RIMS2: variants seen among roughly 807,000 people sequenced by gnomAD.
The protein encoded by RIMS2 is regulating synaptic membrane exocytosis 2, also known as regulating synaptic membrane exocytosis protein 2.
In RIMS2, 59 loss-of-function variants were observed where a neutral mutation model predicts 174.4. That is an observed-to-expected ratio of 0.34 (90% CI 0.27 to 0.42). The LOEUF (loss-of-function observed/expected upper bound fraction) is 0.42, where lower values mean the gene tolerates loss of function less well. RIMS2 is among the 10% of genes least tolerant of loss of function. The pLI, the probability that RIMS2 is intolerant of heterozygous loss-of-function variation, is 1.00. For synonymous variants in RIMS2, 606 were observed against 572.5 expected (o/e 1.06, Z -0.84); for missense variants, 1,620 against 1,666.3 (o/e 0.97, Z 0.48).
chr8:103,621,752 A>G (rs1384704864), intron 1 of RIMS2, among the ~76,000 whole-genome samples: 1 of 152,246 alleles, frequency 6.6e-6, no homozygotes, highest in Non-Finnish European at 1.5e-5. Flanking sequence ...AATGCTTGGC[A>G]CACAGTAAAT....
intron 1 of RIMS2, among the ~76,000 whole-genome samples, chr8:103,598,872 A>T (rs1320844497): frequency 1.3e-5 from 2 of 152,142 alleles, no homozygotes; most frequent in African/African-American, 2.4e-5. Flanking sequence ...GCTTCTGTCT[A>T]TAAGGGGGAT....
intron 19 of RIMS2, among the ~76,000 whole-genome samples, chr8:104,029,793 A>G (rs1048511627): frequency 1.3e-5 from 2 of 152,220 alleles, no homozygotes; most frequent in African/African-American, 4.8e-5. Flanking sequence ...AATAGCTTTT[A>G]AAAATGATAA....
At chr8:104,042,727 T>C (rs2096629455) in intron 19 of RIMS2, among the ~76,000 whole-genome samples, 3 of 151,632 alleles carry the variant, frequency 2.0e-5, no homozygotes, top group Admixed American at 1.3e-4. Flanking sequence ...TAGGTAAAAT[T>C]TAAGCCTCAT....
At chr8:104,092,775 A>G (rs1188685378) in intron 19 of RIMS2, among the ~76,000 whole-genome samples, 3 of 151,888 alleles carry the variant, frequency 2.0e-5, no homozygotes, top group African/African-American at 7.2e-5. Context: ...AATTTTGTCC[A>G]TTAGTTTTTG....
intron 1 of RIMS2, among the ~76,000 whole-genome samples, chr8:103,623,309 CAAT>C (rs1403679384): frequency 4.0e-5 from 6 of 151,848 alleles, no homozygotes; most frequent in African/African-American, 1.5e-4. Flanking sequence ...TTAAGTAAAA[CAAT>C]AAATTAAAGT....
At chr8:104,068,607 T>A in intron 19 of RIMS2, 1 of 1,501,272 alleles carries the variant, frequency 6.7e-7, no homozygotes, top group Non-Finnish European at 9.0e-7. Flanking sequence ...AGATTACCAT[T>A]CGAAGGCAAG....
chr8:103,673,224 T>C (rs1366273175), intron 1 of RIMS2, among the ~76,000 whole-genome samples: 1 of 152,136 alleles, frequency 6.6e-6, no homozygotes, highest in Non-Finnish European at 1.5e-5. Context: ...CTGCAGCTTT[T>C]CCACATGCAG....
chr8:104,112,921 C>A (rs1664247510), intron 19 of RIMS2, among the ~76,000 whole-genome samples: 3 of 152,098 alleles, frequency 2.0e-5, no homozygotes, highest in African/African-American at 7.2e-5. Flanking sequence ...TTCTAAAAAT[C>A]AAATTTTAAA....
intron 19 of RIMS2, among the ~76,000 whole-genome samples, chr8:104,095,535 G>A (rs1747798502): frequency 6.6e-6 from 1 of 152,118 alleles, no homozygotes; most frequent in African/African-American, 2.4e-5. Context: ...AAGTCAGTAA[G>A]TAAGTATGAA....
chr8:103,621,365 A>T (rs1336734325), intron 1 of RIMS2, among the ~76,000 whole-genome samples: 1 of 152,204 alleles, frequency 6.6e-6, no homozygotes, highest in Admixed American at 6.5e-5. Flanking sequence ...CCGATTGGTT[A>T]GCAACTTAGA....
chr8:103,844,268 C>T (rs980811977), intron 3 of RIMS2, among the ~76,000 whole-genome samples: 1 of 152,118 alleles, frequency 6.6e-6, no homozygotes, highest in African/African-American at 2.4e-5. Context: ...TTACTTTCAC[C>T]AATTTTTATA....
chr8:104,246,129 G>T (rs1272621684), intron 20 of RIMS2, among the ~76,000 whole-genome samples: 1 of 152,178 alleles, frequency 6.6e-6, no homozygotes, highest in African/African-American at 2.4e-5. Context: ...TGCTCCAGAT[G>T]TTTATAGTCT....
intron 1 of RIMS2, among the ~76,000 whole-genome samples, chr8:103,563,418 T>C (rs1438332378): frequency 6.6e-6 from 1 of 152,184 alleles, no homozygotes; most frequent in Non-Finnish European, 1.5e-5. Flanking sequence ...CTGCGTCTCT[T>C]TGCTAAAACA....
chr8:103,849,700 A>C (rs769804091), intron 3 of RIMS2, among the ~76,000 whole-genome samples: 28 of 152,062 alleles, frequency 1.8e-4, no homozygotes, highest in Admixed American at 7.9e-4. Context: ...AGAAGGGAAA[A>C]TGTTAGCCAT....
At chr8:103,607,700 C>T (rs1268882166) in intron 1 of RIMS2, among the ~76,000 whole-genome samples, 1 of 135,974 alleles carries the variant, frequency 7.4e-6, no homozygotes, top group Non-Finnish European at 1.6e-5. Flanking sequence ...TTGCTCATTT[C>T]TTTTTATTCT....
intron 22 of RIMS2, among the ~76,000 whole-genome samples, chr8:104,250,051 A>G (rs752286564): frequency 1.3e-5 from 2 of 152,214 alleles, no homozygotes; most frequent in African/African-American, 2.4e-5. Context: ...TAAGACTTTT[A>G]CTTCCTATAA....
intron 1 of RIMS2, among the ~76,000 whole-genome samples, chr8:103,611,228 G>C (rs1007136101): frequency 1.1e-4 from 17 of 151,754 alleles, no homozygotes; most frequent in African/African-American, 3.9e-4. Flanking sequence ...TCATTCCCCT[G>C]TTTTAAAACT....
intron 4 of RIMS2, among the ~76,000 whole-genome samples, chr8:103,900,957 C>T (rs2099325146): frequency 1.3e-5 from 2 of 152,094 alleles, no homozygotes; most frequent in African/African-American, 2.4e-5. Context: ...ATTAGTTGCG[C>T]ATCTGTCTTG....
chr8:103,968,249 G>A (rs573893925), intron 15 of RIMS2, among the ~76,000 whole-genome samples: 6 of 151,982 alleles, frequency 3.9e-5, no homozygotes, highest in African/African-American at 1.4e-4. Context: ...TTTAAAGTGG[G>A]TTTCTTATAC....
Sources: allele counts gnomAD v4.1 joint callset (sites outside exome capture counted in the v4.1 genomes callset), GRCh38; gene constraint gnomAD v4.1.1; transcripts MANE v1.5; gene names NCBI Gene and HGNC (gene_info 2026-07-23, HGNC 2026-07-21).